Variants in EMC3 observed in about 807,000 individuals in gnomAD.
EMC3 encodes the protein ER membrane protein complex subunit 3, also known as 30 kDa protein.
Under a neutral mutation model 36.6 loss-of-function variants are expected in EMC3, and 13 were observed. The ratio of observed to expected loss-of-function variants is 0.35; its 90% CI spans 0.23 to 0.56. The LOEUF (loss-of-function observed/expected upper bound fraction) is 0.56, where lower values mean the gene tolerates loss of function less well. EMC3 is among the 20% of genes least tolerant of loss of function. The probability of loss-of-function intolerance (pLI) is 0.84; values close to 1 mark genes in which losing one functional copy is unlikely to be tolerated. For synonymous variants in EMC3, 120 were observed against 111.9 expected (o/e 1.07, Z -0.46); for missense variants, 220 against 324.5 (o/e 0.68, Z 2.47).
At chr3:9,994,202 G>A in intron 1 of EMC3, 1 of 1,584,910 alleles carries the variant, frequency 6.3e-7, no homozygotes, top group Non-Finnish European at 8.6e-7. Context: ...TTAAGGATAT[G>A]TGTTCATCCA....
At chr3:9,978,951 C>T (rs1439929568) in intron 1 of EMC3, among the ~76,000 whole-genome samples, 1 of 152,206 alleles carries the variant, frequency 6.6e-6, no homozygotes, top group African/African-American at 2.4e-5. Flanking sequence ...TCACACTACA[C>T]ATATTCTAGT....
chr3:9,977,522 C>A (rs2085862815), intron 1 of EMC3, 76 bp from the exon 2 acceptor site: 4 of 1,334,666 alleles, frequency 3.0e-6, no homozygotes, highest in Non-Finnish European at 4.2e-6. Flanking sequence ...AAGTAGAAGA[C>A]CTATTTAAAC....
upstream of EMC3, among the ~76,000 whole-genome samples, chr3:9,990,216 G>T (rs1434514432): frequency 2.0e-5 from 3 of 151,080 alleles, no homozygotes; most frequent in Non-Finnish European, 2.9e-5. Flanking sequence ...AGTAGAGATG[G>T]GGTTTCACGT....
Position 9,963,758 on chromosome 3 carries a change from G to A in EMC3, c.*311C>T. ...CCCAAAATCCTGGGATTACAGGCGT[G>A]AGCCACTGCGCCTGGCCAAGATTTT... On this transcript the variant is annotated 3_prime_UTR_variant, in exon 8 of 8. Coordinates refer to ENST00000245046, the MANE Select transcript of EMC3 (RefSeq NM_001394674.1). 9.5e-6 allele frequency: 2 copies of A among 211,104 alleles called. No homozygotes were observed. Among genetic ancestry groups the A allele is most frequent in the Non-Finnish European group, 1.9e-5 (2 of 104,904 alleles). The allele number at this position is 211,104 out of a possible 1,614,324, so 13.1% of individuals were successfully genotyped here.
chr3:9,990,374 A>G (rs562842391), upstream of EMC3, among the ~76,000 whole-genome samples: 77 of 116,812 alleles, frequency 6.6e-4, no homozygotes, highest in Non-Finnish European at 1.0e-3. Flanking sequence ...TTGCTCTGTC[A>G]CCGAAGGTGG....
chr3:9,986,578 G>C lies in EMC3; in HGVS notation c.84C>G (p.Gly28=), dbSNP rs1170498516. ...LPIVIITFFV[G]MIRHYVSILL... ...GGATGGACACGTAGTGGCGGATCAT[G>C]CCTACGAAGAAAGTGATGATAACGA... The change falls in exon 1 of 8, where the codon GGC becomes GGG. Residue 28 remains glycine, a synonymous_variant. Coordinates refer to ENST00000245046, the MANE Select transcript of EMC3 (RefSeq NM_001394674.1). The C allele has an allele frequency of 6.2e-7, 1 of 1,614,202 alleles. No homozygotes were observed. The highest frequency in any genetic ancestry group is 1.7e-5 in the Admixed American group (1 of 60,026).
chr3:10,000,671 A>C (rs536830730), intron 1 of EMC3: 1 of 479,520 alleles, frequency 2.1e-6, no homozygotes, highest in African/African-American at 2.0e-5. Context: ...AAGATAAGCT[A>C]TCAAGCCTGC....
intron 1 of EMC3, chr3:9,992,725 G>A: frequency 1.7e-6 from 1 of 592,800 alleles, no homozygotes; most frequent in Non-Finnish European, 3.0e-6. Flanking sequence ...AATATTTCTG[G>A]GTTTTGTGAA....
intron 1 of EMC3, chr3:9,992,880 G>T: frequency 6.9e-7 from 1 of 1,444,298 alleles, no homozygotes; most frequent in Non-Finnish European, 9.7e-7. Flanking sequence ...TATTGACCTG[G>T]TGATGCTTTT....
intron 1 of EMC3, among the ~76,000 whole-genome samples, chr3:10,005,731 C>T (rs1463178749): frequency 6.6e-6 from 1 of 152,180 alleles, no homozygotes; most frequent in East Asian, 1.9e-4. Flanking sequence ...CCCAAACAAT[C>T]CAGCTCATGG....
At chr3:9,973,590 G>C in intron 5 of EMC3, 38 bp downstream of exon 5, 1 of 1,580,752 alleles carries the variant, frequency 6.3e-7, no homozygotes, top group Non-Finnish European at 8.7e-7. Flanking sequence ...TTCCCAAAGT[G>C]TGGTTTGTGT....
chr3:9,991,586 G>T (rs2086053003), upstream of EMC3, among the ~76,000 whole-genome samples: 1 of 152,106 alleles, frequency 6.6e-6, no homozygotes, highest in Non-Finnish European at 1.5e-5. Context: ...CACAATCGTA[G>T]CTCACTGTTG....
At chr3:9,991,919 A>G (rs1033215791) in intron 1 of EMC3, among the ~76,000 whole-genome samples, 11 of 152,102 alleles carry the variant, frequency 7.2e-5, no homozygotes, top group African/African-American at 2.7e-4. Context: ...GATCCTGCGC[A>G]TGTGCAGTTC....
At chr3:9,977,585 A>G (rs2085863433) in intron 1 of EMC3, 139 bp from the exon 2 acceptor site, 1 of 631,814 alleles carries the variant, frequency 1.6e-6, no homozygotes, top group Admixed American at 3.4e-5. Flanking sequence ...CCCAAAATAC[A>G]AGTATCTTTA....
chr3:9,982,330 C>T (rs530901220), intron 1 of EMC3, among the ~76,000 whole-genome samples: 1 of 152,142 alleles, frequency 6.6e-6, no homozygotes, highest in African/African-American at 2.4e-5. Flanking sequence ...TCTCGGCTCA[C>T]TGCAACATCT....
At chr3:9,971,426 T>C (rs68153882) in intron 5 of EMC3, among the ~76,000 whole-genome samples, 34,267 of 151,898 alleles carry the variant, frequency 0.23, 4,484 homozygotes, top group African/African-American at 0.36. Context: ...GATAGATAAA[T>C]GGAAAGATCC....
chr3:9,978,475 G>A lies in EMC3; in HGVS notation c.156-1029C>T, dbSNP rs556352128. 2.0e-5 allele frequency among the ~76,000 whole-genome samples: 3 copies of A among 152,198 alleles called. No individual in the cohort carries two copies. The East Asian group carries it at 5.8e-4, about 29-fold the overall frequency. On this transcript the variant is annotated intron_variant, in intron 1 of 7. Coordinates refer to ENST00000245046, the MANE Select transcript of EMC3 (RefSeq NM_001394674.1). ...AGGAAAAGAGGAAAAGGCCCTTAAA[G>A]TAATGGAAATAGTCTTGAAACGTGA...
intron 1 of EMC3, chr3:10,001,054 T>C: frequency 4.5e-6 from 1 of 224,520 alleles, no homozygotes; most frequent in Non-Finnish European, 9.3e-6. Context: ...TTGGTTGTTA[T>C]GCTTAAGATA....
chr3:9,989,772 A>G (rs2086024110), upstream of EMC3, among the ~76,000 whole-genome samples: 2 of 152,086 alleles, frequency 1.3e-5, no homozygotes, highest in South Asian at 4.1e-4. Context: ...TTATAAATAT[A>G]AATATAATTT....
Sources: gnomAD v4.1 joint callset for allele counts (sites outside exome capture counted in the v4.1 genomes callset) on GRCh38, gnomAD v4.1.1 for gene constraint, MANE v1.5 for transcripts, NCBI Gene and HGNC (gene_info 2026-07-23, HGNC 2026-07-21) for gene names.